Variants in C8orf34 observed in about 807,000 individuals in gnomAD.
C8orf34 encodes the protein chromosome 8 open reading frame 34, also known as uncharacterized protein C8orf34.
In C8orf34, 65 loss-of-function variants were observed where a neutral mutation model predicts 68.3. The observed-to-expected ratio is 0.95, with a 90% CI of 0.78 to 1.17. C8orf34 has a LOEUF of 1.17. C8orf34 is among the 50% of genes most tolerant of loss of function. C8orf34 has a pLI of 0.00. For synonymous variants in C8orf34, 244 were observed against 241.2 expected, an observed-to-expected ratio of 1.01 and a Z score of -0.11; for missense variants, 664 against 655.4, an observed-to-expected ratio of 1.01 and a Z score of -0.14.
intron 12 of C8orf34, among the ~76,000 whole-genome samples, chr8:68,801,131 TC>T (rs1824315463): frequency 6.6e-6 from 1 of 152,202 alleles, no homozygotes; most frequent in Non-Finnish European, 1.5e-5. Flanking sequence ...GGCTGGGGTT[TC>T]AAAAGGCACT....
chr8:68,795,429 A>C (rs1158259564), intron 12 of C8orf34, among the ~76,000 whole-genome samples: 1 of 151,788 alleles, frequency 6.6e-6, no homozygotes, highest in African/African-American at 2.4e-5. Flanking sequence ...AATATAACAT[A>C]ATGTGGAAAC....
intron 12 of C8orf34, among the ~76,000 whole-genome samples, chr8:68,806,850 A>G (rs1824503087): frequency 1.3e-5 from 2 of 152,148 alleles, no homozygotes; most frequent in African/African-American, 4.8e-5. Context: ...TTTAGTACAT[A>G]TATCTGCAAT....
chr8:68,647,309 C>T (rs74823067), intron 8 of C8orf34, among the ~76,000 whole-genome samples: 7,592 of 152,010 alleles, frequency 0.05, 205 homozygotes, highest in Middle Eastern at 0.12. Flanking sequence ...AACAAGTACC[C>T]GTGAGGATGT....
intron 7 of C8orf34, among the ~76,000 whole-genome samples, chr8:68,618,972 G>A (rs7006075): frequency 0.3 from 44,878 of 152,086 alleles, 8,437 homozygotes; most frequent in African/African-American, 0.55. Flanking sequence ...GAAAGAGATA[G>A]TTACTGAGAG....
intron 10 of C8orf34, among the ~76,000 whole-genome samples, chr8:68,722,179 T>C (rs1821696168): frequency 6.6e-6 from 1 of 152,056 alleles, no homozygotes; most frequent in Non-Finnish European, 1.5e-5. Flanking sequence ...TCTCCCTTTT[T>C]ACCTTGCAGA....
chr8:68,455,936 T>C (rs1219040974), intron 3 of C8orf34, among the ~76,000 whole-genome samples: 4 of 151,716 alleles, frequency 2.6e-5, no homozygotes, highest in African/African-American at 4.8e-5. Flanking sequence ...AAAACAGTTA[T>C]CAATTCATTA....
At chr8:68,419,645 G>T (rs1809854582) in intron 1 of C8orf34, among the ~76,000 whole-genome samples, 1 of 151,730 alleles carries the variant, frequency 6.6e-6, no homozygotes. Context: ...ATACTATGCA[G>T]CCATGAAAAA....
intron 10 of C8orf34, among the ~76,000 whole-genome samples, chr8:68,744,951 A>C (rs1371887395): frequency 6.6e-6 from 1 of 152,194 alleles, no homozygotes; most frequent in Non-Finnish European, 1.5e-5. Flanking sequence ...CCAAAGTTGA[A>C]ATGAAGGAAA....
intron 1 of C8orf34, among the ~76,000 whole-genome samples, chr8:68,336,191 T>G (rs1236507231): frequency 6.6e-6 from 1 of 151,008 alleles, no homozygotes; most frequent in African/African-American, 2.4e-5. Flanking sequence ...TTTCCTCCCT[T>G]TTTTTTTTCA....
At chr8:68,784,739 G>A (rs1391578161) in intron 11 of C8orf34, among the ~76,000 whole-genome samples, 1 of 151,996 alleles carries the variant, frequency 6.6e-6, no homozygotes, top group Non-Finnish European at 1.5e-5. Flanking sequence ...TTTGGCTAAT[G>A]ACAGCTTTTT....
At chr8:68,589,720 G>A (rs1817321953) in intron 7 of C8orf34, among the ~76,000 whole-genome samples, 3 of 144,438 alleles carry the variant, frequency 2.1e-5, no homozygotes, top group Admixed American at 6.8e-5. Flanking sequence ...AGGAGGAAAG[G>A]AAGGAAGGGA....
intron 9 of C8orf34, among the ~76,000 whole-genome samples, chr8:68,719,746 G>C (rs1205174528): frequency 6.6e-6 from 1 of 151,730 alleles, no homozygotes; most frequent in Non-Finnish European, 1.5e-5. Flanking sequence ...TCCATGAGAA[G>C]GTGGATTTTA....
chr8:68,779,180 A>AACACACACACAC (rs10550333), intron 11 of C8orf34, among the ~76,000 whole-genome samples: 1 of 139,156 alleles, frequency 7.2e-6, no homozygotes, highest in Admixed American at 7.4e-5. Flanking sequence ...CTGTCTCTGA[A>AACACACACACAC]ACACACACAC....
intron 5 of C8orf34, among the ~76,000 whole-genome samples, chr8:68,519,106 T>G (rs1814642799): frequency 6.6e-6 from 1 of 152,154 alleles, no homozygotes; most frequent in Admixed American, 6.5e-5. Context: ...GATCTAAGGC[T>G]TAGCTTTCCC....
intron 6 of C8orf34, among the ~76,000 whole-genome samples, chr8:68,531,241 G>T (rs7009978): frequency 0.2 from 30,780 of 151,860 alleles, 4,152 homozygotes; most frequent in African/African-American, 0.39. Context: ...ACTTTCAAAT[G>T]TCTTCAATTT....
chr8:68,765,092 G>A (rs1425264783), intron 10 of C8orf34, among the ~76,000 whole-genome samples: 3 of 152,006 alleles, frequency 2.0e-5, no homozygotes, highest in African/African-American at 4.8e-5. Flanking sequence ...CTAAACACTA[G>A]TACTAACGTT....
intron 3 of C8orf34, among the ~76,000 whole-genome samples, chr8:68,466,764 T>TATATATATATAG (rs1458140702): frequency 6.8e-6 from 1 of 146,066 alleles, no homozygotes; most frequent in African/African-American, 2.6e-5. Context: ...TATATATATA[T>TATATATATATAG]AGATGCTTTC....
intron 8 of C8orf34, among the ~76,000 whole-genome samples, chr8:68,655,022 T>C (rs994970510): frequency 2.0e-5 from 3 of 152,168 alleles, no homozygotes; most frequent in South Asian, 2.1e-4. Flanking sequence ...AATTTCTAGA[T>C]TGTCTGGATT....
intron 7 of C8orf34, among the ~76,000 whole-genome samples, chr8:68,596,511 CAT>C (rs1267860206): frequency 5.9e-5 from 9 of 152,130 alleles, no homozygotes; most frequent in Non-Finnish European, 1.3e-4. Context: ...TCGCAGAACA[CAT>C]GAGACTCCTG....
Sources: allele counts gnomAD v4.1 joint callset (sites outside exome capture counted in the v4.1 genomes callset), GRCh38; gene constraint gnomAD v4.1.1; transcripts MANE v1.5; gene names NCBI Gene and HGNC (gene_info 2026-07-23, HGNC 2026-07-21).